ARHGEF11: variants seen among roughly 807,000 people sequenced by gnomAD.
ARHGEF11 encodes the protein Rho guanine nucleotide exchange factor 11, also known as Rho guanine exchange factor (GEF) 11.
ARHGEF11 carries 55 observed loss-of-function variants against 193.7 expected under a neutral mutation model. The ratio of observed to expected loss-of-function variants is 0.28; its 90% CI spans 0.23 to 0.36. ARHGEF11 has a LOEUF of 0.36. Ranked by LOEUF, ARHGEF11 falls within the 10% of genes least tolerant of loss-of-function variation. The probability of loss-of-function intolerance (pLI) is 1.00; values close to 1 mark genes in which losing one functional copy is unlikely to be tolerated. For synonymous variants in ARHGEF11, 693 were observed against 768.0 expected (o/e 0.90, Z 1.62); for missense variants, 1,723 against 2,005.6 (o/e 0.86, Z 2.69).
chr1:156,963,438 A>C (rs1323574302), intron 12 of ARHGEF11, 82 bp downstream of exon 12: 1 of 1,526,364 alleles, frequency 6.6e-7, no homozygotes, highest in African/African-American at 1.4e-5. Context: ...TTCACAGCTG[A>C]TGCTAGTCAA....
chr1:157,003,256 T>C (rs962583253), intron 1 of ARHGEF11, among the ~76,000 whole-genome samples: 9 of 152,228 alleles, frequency 5.9e-5, no homozygotes, highest in Non-Finnish European at 1.0e-4. Context: ...GCATTTTAAC[T>C]TCAGAGCCTT....
intron 1 of ARHGEF11, among the ~76,000 whole-genome samples, chr1:157,031,684 C>T (rs1265201500): frequency 6.6e-6 from 1 of 152,150 alleles, no homozygotes; most frequent in Admixed American, 6.5e-5. Context: ...GTAGTGTGGT[C>T]CCTGAACCCA....
chr1:156,965,297 A>G (rs1424104880), intron 11 of ARHGEF11, among the ~76,000 whole-genome samples: 3 of 152,294 alleles, frequency 2.0e-5, no homozygotes, highest in South Asian at 2.1e-4. Context: ...CCCCTTAGCA[A>G]ACTGAACTTG....
Position 156,951,688 on chromosome 1 carries a change from T to C in ARHGEF11, c.1810A>G (p.Asn604Asp). ...PLSPVEVKPG[N>D]VRNIIQHFEN... The stretch of plus-strand genomic sequence containing the variant: ...AAGTGCTGAATGATGTTCCTCACAT[T>C]GCCTGGTTTGACTAGAAGCAAAAAG... Residue 604 changes from asparagine (N) to aspartate (D), a missense_variant, in exon 22 of 41, where the codon AAT becomes GAT. By Grantham distance (23) the Asn-to-Asp change is conservative. Transcript: ENST00000368194. 1 of 1,614,166 alleles carries C rather than the reference T, an allele frequency of 6.2e-7. No homozygotes were observed. The highest frequency in any genetic ancestry group is 8.5e-7 in the Non-Finnish European group (1 of 1,180,026).
Position 157,035,853 on chromosome 1 carries a change from T to A in ARHGEF11, c.32+8446A>T, listed in dbSNP as rs4061797. 3.1e-3 allele frequency among the ~76,000 whole-genome samples: 407 copies of A among 129,402 alleles called. 36 individuals are homozygous for A. The highest frequency in any genetic ancestry group is 6.7e-3 in the African/African-American group (248 of 36,856). The allele number at this position is 129,402 out of a possible 152,430, so 84.9% of individuals were successfully genotyped here. On this transcript the variant is annotated intron_variant, in intron 1 of 40. Coordinates refer to ENST00000368194, the MANE Select transcript of ARHGEF11 (RefSeq NM_198236.3). Reference sequence around the variant, plus strand: ...ATATGGAATATATATATGTATATATTTAGGAATATATATAGGAATATATAT... The same window carrying A: ...ATATGGAATATATATATGTATATATATAGGAATATATATAGGAATATATAT...
intron 14 of ARHGEF11, among the ~76,000 whole-genome samples, chr1:156,961,273 C>T (rs577238572): frequency 6.6e-6 from 1 of 152,366 alleles, no homozygotes; most frequent in East Asian, 1.9e-4. Flanking sequence ...GTAATAGCAA[C>T]TCAGACTGAG....
chr1:156,957,830 A>C lies in ARHGEF11; in HGVS notation c.1503-15T>G. The C allele has an allele frequency of 6.2e-7, 1 of 1,614,072 alleles. No individual in the cohort carries two copies. Among genetic ancestry groups the C allele is most frequent in the South Asian group, 1.1e-5 (1 of 91,082 alleles). ...CATACTTGGACCTGGAATGGAAGAA[A>C]GAACAGATGACTCAGACTGCAAAGA... On this transcript the variant is annotated splice_polypyrimidine_tract_variant and intron_variant, in intron 17 of 40. Coordinates refer to ENST00000368194, the MANE Select transcript of ARHGEF11 (RefSeq NM_198236.3).
At chr1:157,002,020 T>C (rs1667260154) in intron 1 of ARHGEF11, among the ~76,000 whole-genome samples, 1 of 152,082 alleles carries the variant, frequency 6.6e-6, no homozygotes, top group African/African-American at 2.4e-5. Flanking sequence ...AAGCAAAAAG[T>C]GTGGTTGCAT....
rs1440780077 is a variant in ARHGEF11 at position 156,961,787 on chromosome 1, G to C, written c.1141-12C>G. 16 of 1,613,006 alleles carry C rather than the reference G, an allele frequency of 9.9e-6. No individual in the cohort carries two copies. The highest frequency in any genetic ancestry group is 2.7e-5 in the African/African-American group (2 of 74,900). ...CACAGGTAAAAAAGCTAGGAGGAGA[G>C]AGAACTGGGTTAGAGCAGTGGTTCT... On this transcript the variant is annotated splice_polypyrimidine_tract_variant and intron_variant, in intron 13 of 40. Transcript: ENST00000368194.
At chr1:157,046,340 GCCCGCCCAGCCAC>G (rs1673326720), upstream of ARHGEF11, among the ~76,000 whole-genome samples, 1 of 151,886 alleles carries the variant, frequency 6.6e-6, no homozygotes, top group Admixed American at 6.6e-5. Context: ...CCTACCCCCT[GCCCGCCCAGCCAC>G]CGTGCCCGCG....
At chr1:156,976,890 C>A in intron 7 of ARHGEF11, 93 bp downstream of exon 7, 2 of 1,132,174 alleles carry the variant, frequency 1.8e-6, no homozygotes, top group Non-Finnish European at 2.7e-6. Context: ...TAGGATATTG[C>A]CTGTAAATTA....
At chr1:156,939,261 A>G (rs982168575) in intron 37 of ARHGEF11, 3 of 418,716 alleles carry the variant, frequency 7.2e-6, no homozygotes, top group African/African-American at 6.1e-5. Context: ...GGTTTGTGCC[A>G]GGCAGAAAGA....
intron 1 of ARHGEF11, among the ~76,000 whole-genome samples, chr1:157,032,821 T>G (rs1383789900): frequency 6.6e-6 from 1 of 152,184 alleles, no homozygotes; most frequent in Non-Finnish European, 1.5e-5. Flanking sequence ...CTCTGTCCTT[T>G]TCGTCCATGA....
At chr1:157,032,146 A>G (rs1671384502) in intron 1 of ARHGEF11, among the ~76,000 whole-genome samples, 1 of 152,214 alleles carries the variant, frequency 6.6e-6, no homozygotes, top group African/African-American at 2.4e-5. Flanking sequence ...TCTCTAGTAG[A>G]CAGGATTTAT....
At chr1:156,982,752 G>A (rs1055115190) in intron 3 of ARHGEF11, among the ~76,000 whole-genome samples, 1 of 152,196 alleles carries the variant, frequency 6.6e-6, no homozygotes, top group Non-Finnish European at 1.5e-5. Flanking sequence ...CAGAGGAAAA[G>A]TACAAGTTAC....
At chr1:156,958,061 C>A (rs1403765406) in intron 17 of ARHGEF11, among the ~76,000 whole-genome samples, 1 of 152,176 alleles carries the variant, frequency 6.6e-6, no homozygotes, top group East Asian at 1.9e-4. Context: ...TTTACCCTGT[C>A]CTTAAAGTGC....
In ARHGEF11 at chr1:156,984,328, G is replaced by T; in HGVS notation, c.223+11C>A. 1.3e-6 allele frequency: 2 copies of T among 1,573,774 alleles called. No individual in the cohort carries two copies. The highest frequency in any genetic ancestry group is 2.3e-5 in the South Asian group (2 of 85,898). ...ACTGTCCACCGTGGGCAGGAGGGAT[G>T]CAGCACTCACCAGGCCGCACAGACT... On this transcript the variant is annotated intron_variant, in intron 3 of 40. Coordinates refer to ENST00000368194, the MANE Select transcript of ARHGEF11 (RefSeq NM_198236.3).
intron 21 of ARHGEF11, among the ~76,000 whole-genome samples, chr1:156,952,502 G>A (rs1355134216): frequency 1.3e-5 from 2 of 152,208 alleles, no homozygotes; most frequent in Non-Finnish European, 2.9e-5. Context: ...GGGTGGGCTA[G>A]AAATGCTGGC....
chr1:156,966,611 G>C (rs915793166), intron 11 of ARHGEF11, among the ~76,000 whole-genome samples: 3 of 152,166 alleles, frequency 2.0e-5, no homozygotes, highest in African/African-American at 7.2e-5. Context: ...GATTTTTGTT[G>C]AGGGTCAAAA....
Sources: gnomAD v4.1 joint callset for allele counts (sites outside exome capture counted in the v4.1 genomes callset) on GRCh38, gnomAD v4.1.1 for gene constraint, MANE v1.5 for transcripts, NCBI Gene and HGNC (gene_info 2026-07-23, HGNC 2026-07-21) for gene names.